The following TENM3 variants were observed in gnomAD, a reference collection of about 807,000 sequenced individuals.
TENM3 encodes teneurin-3.
TENM3 carries 63 observed loss-of-function variants against 255.1 expected under a neutral mutation model. The ratio of observed to expected loss-of-function variants is 0.25; its 90% CI spans 0.20 to 0.30. The LOEUF (loss-of-function observed/expected upper bound fraction) is 0.30, where lower values mean the gene tolerates loss of function less well. Ranked by LOEUF, TENM3 falls within the 10% of genes least tolerant of loss-of-function variation. The pLI is 1.00. For missense variants in TENM3, 2,929 were observed against 3,461.1 expected, an observed-to-expected ratio of 0.85 and a Z score of 3.86; for synonymous variants, 1,306 against 1,322.3, an observed-to-expected ratio of 0.99 and a Z score of 0.27.
the TENM3 span, among the ~76,000 whole-genome samples, chr4:181,658,049 C>T: frequency 1.3e-5 from 2 of 152,124 alleles, no homozygotes; most frequent in Non-Finnish European, 2.9e-5. Flanking sequence ...ACTTTGTTCA[C>T]TATCTCAGTG....
At chr4:181,841,996 ATT>A in the TENM3 span, among the ~76,000 whole-genome samples, 1 of 152,130 alleles carries the variant, frequency 6.6e-6, no homozygotes, top group Non-Finnish European at 1.5e-5. Flanking sequence ...ATATATGTGG[ATT>A]CTCTTCATAT....
the TENM3 span, among the ~76,000 whole-genome samples, chr4:181,616,167 T>C: frequency 6.6e-6 from 1 of 151,724 alleles, no homozygotes; most frequent in Non-Finnish European, 1.5e-5. Context: ...TGATGTTAAT[T>C]TGTATTAAAA....
At chr4:181,689,833 G>A in the TENM3 span, among the ~76,000 whole-genome samples, 1,314 of 152,216 alleles carry the variant, frequency 8.6e-3, 21 homozygotes, top group African/African-American at 0.03. Context: ...CTGTCATGGA[G>A]GTCGGTTACG....
At chr4:181,860,112 T>G in the TENM3 span, among the ~76,000 whole-genome samples, 1 of 152,172 alleles carries the variant, frequency 6.6e-6, no homozygotes, top group African/African-American at 2.4e-5. Context: ...TCTGCCTGGT[T>G]CCATCTGAAA....
At chr4:182,463,330 T>G (rs1225779696) in intron 3 of TENM3, among the ~76,000 whole-genome samples, 1 of 152,196 alleles carries the variant, frequency 6.6e-6, no homozygotes, top group East Asian at 1.9e-4. Context: ...TGAGAACTAT[T>G]GTGTGAAACC....
chr4:182,497,878 A>ATATATATATATATG lies in TENM3; in HGVS notation c.512-103041_512-103040insATATATATGTATAT, dbSNP rs1446346027. On this transcript the variant is annotated intron_variant, in intron 3 of 27. Transcript: ENST00000511685. ...TATATATATATATATATATATATAT[A>ATATATATATATATG]TATATCTCAACCTAGATGTATATAG... is the stretch of plus-strand genomic sequence containing the variant. 1.9e-3 allele frequency among the ~76,000 whole-genome samples: 278 copies of ATATATATATATATG among 142,966 alleles called. 1 individual carries two copies. Among genetic ancestry groups the ATATATATATATATG allele is most frequent in the African/African-American group, 5.6e-3 (209 of 37,170 alleles). 93.8% of individuals were successfully genotyped at this position (142,966 alleles called of 152,430 possible).
At chr4:181,778,869 G>A in the TENM3 span, among the ~76,000 whole-genome samples, 3 of 152,022 alleles carry the variant, frequency 2.0e-5, no homozygotes, top group South Asian at 2.1e-4. Context: ...TGGGTGTATC[G>A]GTTCAAATAG....
At chr4:181,575,525 A>C in the TENM3 span, among the ~76,000 whole-genome samples, 1 of 152,152 alleles carries the variant, frequency 6.6e-6, no homozygotes, top group South Asian at 2.1e-4. Context: ...CTCTTCTATT[A>C]TTTTCTTTCT....
rs2151371501 is a variant in TENM3, at chr4:182,457,653, G to A, written c.511+110724G>A. Among the ~76,000 whole-genome samples the A allele has an allele frequency of 2.1e-5, 3 of 145,426 alleles. No homozygotes were observed. The East Asian group carries it at 6.3e-4, about 30-fold the overall frequency. On this transcript the variant is annotated intron_variant, in intron 3 of 27. Transcript: ENST00000511685. Reference sequence around the variant, plus strand: ...GCTCACCACAGCCTCCAACTCCTAGGCACAAGTGATCCTCTCACCTCAGCC... The same window carrying A: ...GCTCACCACAGCCTCCAACTCCTAGACACAAGTGATCCTCTCACCTCAGCC...
At chr4:182,586,450 A>C (rs932158625) in intron 3 of TENM3, among the ~76,000 whole-genome samples, 2 of 152,208 alleles carry the variant, frequency 1.3e-5, no homozygotes, top group African/African-American at 4.8e-5. Context: ...TGCTCAGTCA[A>C]AGCAGCATAA....
chr4:182,699,870 C>T (rs957806036), intron 12 of TENM3, among the ~76,000 whole-genome samples: 21 of 151,696 alleles, frequency 1.4e-4, no homozygotes, highest in African/African-American at 5.1e-4. Context: ...CCACCGAAAC[C>T]GAGTATATTG....
intron 3 of TENM3, among the ~76,000 whole-genome samples, chr4:182,383,781 A>C (rs1561389460): frequency 6.6e-6 from 1 of 152,182 alleles, no homozygotes. Context: ...TAACCAAAGC[A>C]GCATGGTACT....
chr4:182,432,849 G>GGTGTGTGTGTGTGT (rs70956512), intron 3 of TENM3, among the ~76,000 whole-genome samples: 31,429 of 143,010 alleles, frequency 0.22, 3,559 homozygotes, highest in Admixed American at 0.25. Flanking sequence ...AATGGATTTG[G>GGTGTGTGTGTGTGT]GTGTGTGTGT....
intron 3 of TENM3, among the ~76,000 whole-genome samples, chr4:182,479,852 A>T (rs902196257): frequency 1.1e-4 from 16 of 152,114 alleles, no homozygotes; most frequent in Admixed American, 3.3e-4. Context: ...GATTTCTGAG[A>T]TATAAGAACC....
At chr4:182,453,241 AG>A (rs1449079792) in intron 3 of TENM3, among the ~76,000 whole-genome samples, 2 of 152,156 alleles carry the variant, frequency 1.3e-5, no homozygotes, top group Admixed American at 6.5e-5. Flanking sequence ...GTTGTTTTGC[AG>A]GTTGAAAACC....
intron 16 of TENM3, among the ~76,000 whole-genome samples, chr4:182,733,617 G>A (rs1760946363): frequency 6.6e-6 from 1 of 152,062 alleles, no homozygotes. Context: ...CATAAACCTA[G>A]GGAGGGAGCA....
the TENM3 span, among the ~76,000 whole-genome samples, chr4:181,586,795 G>A: frequency 1.4e-4 from 21 of 152,014 alleles, no homozygotes; most frequent in South Asian, 2.1e-4. Flanking sequence ...AGCTGAGATC[G>A]CACCACTGCA....
chr4:181,578,738 C>T, the TENM3 span, among the ~76,000 whole-genome samples: 1 of 152,190 alleles, frequency 6.6e-6, no homozygotes, highest in Non-Finnish European at 1.5e-5. Context: ...TCTGCATCCT[C>T]CTGTGGTCAT....
chr4:181,570,701 C>T, the TENM3 span, among the ~76,000 whole-genome samples: 2 of 151,496 alleles, frequency 1.3e-5, no homozygotes, highest in Admixed American at 6.6e-5. Context: ...TGGTAGGCAG[C>T]GGAGTAGGTA....
Sources: allele counts gnomAD v4.1 joint callset (sites outside exome capture counted in the v4.1 genomes callset), GRCh38; gene constraint gnomAD v4.1.1; transcripts MANE v1.5; gene names NCBI Gene and HGNC (gene_info 2026-07-23, HGNC 2026-07-21).